Variants in KIF16B observed in about 807,000 individuals in gnomAD.
The protein encoded by KIF16B is kinesin-like protein KIF16B.
Under a neutral mutation model 156.3 loss-of-function variants are expected in KIF16B, and 98 were observed. The ratio of observed to expected loss-of-function variants is 0.63; its 90% CI spans 0.53 to 0.74. KIF16B has a LOEUF of 0.74. KIF16B is among the 30% of genes least tolerant of loss of function. The pLI is 0.00. For missense variants in KIF16B, 1,421 were observed against 1,606.5 expected (o/e 0.88, Z 1.97); for synonymous variants, 564 against 583.7 (o/e 0.97, Z 0.49).
chr20:16,511,487 G>C lies in KIF16B; in HGVS notation c.487C>G (p.Arg163Gly). 6.2e-7 allele frequency: 1 copy of C among 1,611,926 alleles called. No homozygotes were observed. Among genetic ancestry groups the C allele is most frequent in the Non-Finnish European group, 8.5e-7 (1 of 1,178,684 alleles). ...IYNERVRDLL[R>G]RKSSKTFNLR... ...TTGAAGGTTTTAGATGACTTCCGCC[G>C]AAGTAGATCTCTCACACGTTCGTTA... Residue 163 changes from arginine (R) to glycine (G), a missense_variant, in exon 6 of 26, where the codon CGG becomes GGG. Physicochemically the swap from Arg to Gly is moderately radical, Grantham distance 125. Coordinates refer to ENST00000354981, the MANE Select transcript of KIF16B (RefSeq NM_024704.5).
intron 1 of KIF16B, among the ~76,000 whole-genome samples, chr20:16,572,908 C>T (rs1262930806): frequency 3.3e-5 from 5 of 152,114 alleles, no homozygotes; most frequent in African/African-American, 1.2e-4. Context: ...GCACTCTCAC[C>T]TTCCCCCCAA....
chr20:16,342,551 A>C (rs1465704846), intron 23 of KIF16B, among the ~76,000 whole-genome samples: 1 of 152,208 alleles, frequency 6.6e-6, no homozygotes, highest in Non-Finnish European at 1.5e-5. Context: ...ACATGAATCA[A>C]AGATTATTGA....
intron 3 of KIF16B, among the ~76,000 whole-genome samples, chr20:16,516,301 A>G (rs2069140898): frequency 6.6e-6 from 1 of 152,166 alleles, no homozygotes; most frequent in Non-Finnish European, 1.5e-5. Flanking sequence ...TGGGGGTCAC[A>G]CACATGGCCT....
intron 25 of KIF16B, among the ~76,000 whole-genome samples, chr20:16,277,190 T>C (rs1357826371): frequency 6.6e-6 from 1 of 152,224 alleles, no homozygotes; most frequent in Non-Finnish European, 1.5e-5. Context: ...GCTGTGCGCA[T>C]AGCTGTGGTC....
chr20:16,317,931 C>G (rs752437003), intron 24 of KIF16B, among the ~76,000 whole-genome samples: 4 of 152,182 alleles, frequency 2.6e-5, no homozygotes, highest in Non-Finnish European at 5.9e-5. Context: ...AGGCAGGAGA[C>G]GCCAGAGAGC....
intron 1 of KIF16B, among the ~76,000 whole-genome samples, chr20:16,528,954 A>G (rs775066125): frequency 7.2e-5 from 11 of 152,196 alleles, no homozygotes; most frequent in Non-Finnish European, 1.5e-4. Context: ...GAGGACTCCT[A>G]AAGAGTACAG....
At chr20:16,536,455 T>C (rs973263846) in intron 1 of KIF16B, among the ~76,000 whole-genome samples, 3 of 152,170 alleles carry the variant, frequency 2.0e-5, no homozygotes, top group African/African-American at 4.8e-5. Flanking sequence ...TTAACAACAA[T>C]GTATTGTGGT....
intron 25 of KIF16B, among the ~76,000 whole-genome samples, chr20:16,281,853 G>A (rs2063150999): frequency 1.3e-5 from 2 of 151,998 alleles, no homozygotes; most frequent in South Asian, 4.2e-4. Flanking sequence ...GTTCCCATGG[G>A]TGCTTTGCTC....
chr20:16,515,693 T>C, intron 3 of KIF16B, 29 bp from the exon 4 acceptor site: 1 of 1,224,208 alleles, frequency 8.2e-7, no homozygotes, highest in South Asian at 1.2e-5. Context: ...ACACAAAAGA[T>C]ACAATTATCA....
chr20:16,378,726 A>T (rs1434924903), intron 19 of KIF16B, 79 bp downstream of exon 19: 2 of 1,358,424 alleles, frequency 1.5e-6, no homozygotes, highest in Non-Finnish European at 2.0e-6. Context: ...AAAAAAAAGG[A>T]TAAACACAAC....
At chr20:16,368,448 G>C (rs2123275205) in intron 22 of KIF16B, 1 of 986,328 alleles carries the variant, frequency 1.0e-6, no homozygotes, top group East Asian at 1.1e-4. Flanking sequence ...GAAATGGCAG[G>C]CTTCTGACGA....
chr20:16,361,160 T>A (rs1284500784), intron 22 of KIF16B, among the ~76,000 whole-genome samples: 1 of 152,180 alleles, frequency 6.6e-6, no homozygotes, highest in African/African-American at 2.4e-5. Context: ...TAGCACATAT[T>A]TCTAATCCTT....
At chr20:16,292,828 C>T (rs1393935906) in intron 25 of KIF16B, among the ~76,000 whole-genome samples, 4 of 152,180 alleles carry the variant, frequency 2.6e-5, no homozygotes, top group African/African-American at 7.2e-5. Context: ...TTGACTATTT[C>T]AGGAAGCAAG....
At chr20:16,374,225 G>T in intron 20 of KIF16B, 32 bp downstream of exon 20, 1 of 1,506,206 alleles carries the variant, frequency 6.6e-7, no homozygotes, top group Non-Finnish European at 8.9e-7. Flanking sequence ...CACATCAAAT[G>T]AGAAGCCTGG....
intron 22 of KIF16B, among the ~76,000 whole-genome samples, chr20:16,358,246 T>TA (rs1232988056): frequency 6.6e-6 from 1 of 152,152 alleles, no homozygotes; most frequent in Non-Finnish European, 1.5e-5. Context: ...CAGTCACACA[T>TA]ACACCTGTGA....
Position 16,572,147 on chromosome 20 carries a change from C to T in KIF16B, c.47+1082G>A, listed in dbSNP as rs184499360. 1.3e-3 allele frequency among the ~76,000 whole-genome samples: 197 copies of T among 152,214 alleles called. 1 individual carries two copies. Among genetic ancestry groups the T allele is most frequent in the Admixed American group, 3.3e-3 (51 of 15,296 alleles). On this transcript the variant is annotated intron_variant, in intron 1 of 25. Coordinates refer to ENST00000354981, the MANE Select transcript of KIF16B (RefSeq NM_024704.5). ...AGCTTTAGAAATAACTCAAAAGTCACAAAAAGCAGATTCTGAAAACACTGG... is the reference window on the plus strand; with the variant it reads ...AGCTTTAGAAATAACTCAAAAGTCATAAAAAGCAGATTCTGAAAACACTGG...
intron 24 of KIF16B, among the ~76,000 whole-genome samples, 168 bp downstream of exon 24, chr20:16,335,758 T>A (rs1419823101): frequency 6.6e-6 from 1 of 152,022 alleles, no homozygotes; most frequent in East Asian, 1.9e-4. Flanking sequence ...GAAGAAAAAA[T>A]TTAAAGTTAT....
intron 12 of KIF16B, among the ~76,000 whole-genome samples, chr20:16,432,298 C>T (rs1294403369): frequency 2.6e-5 from 4 of 152,090 alleles, no homozygotes; most frequent in African/African-American, 4.8e-5. Flanking sequence ...CATGACTGTA[C>T]GAGCAACAGA....
chr20:16,504,901 AAAAG>A (rs1178262918), intron 9 of KIF16B, among the ~76,000 whole-genome samples: 3 of 151,670 alleles, frequency 2.0e-5, no homozygotes, highest in African/African-American at 7.3e-5. Context: ...AAATACTTTT[AAAAG>A]TTCTGGCAAA....
Sources: allele counts gnomAD v4.1 joint callset (sites outside exome capture counted in the v4.1 genomes callset), GRCh38; gene constraint gnomAD v4.1.1; transcripts MANE v1.5; gene names NCBI Gene and HGNC (gene_info 2026-07-23, HGNC 2026-07-21).